The following IL17RB variants were observed in gnomAD, a reference collection of about 807,000 sequenced individuals.
The protein encoded by IL17RB is interleukin-17 receptor B.
IL17RB carries 36 observed loss-of-function variants against 43.9 expected under a neutral mutation model. That is an observed-to-expected ratio of 0.82 (90% confidence interval 0.63 to 1.08). The LOEUF (loss-of-function observed/expected upper bound fraction) is 1.08. Ranked by LOEUF, IL17RB falls within the 50% of genes least tolerant of loss-of-function variation. IL17RB has a pLI of 0.00. For missense variants in IL17RB, 613 were observed against 613.6 expected, an observed-to-expected ratio of 1.00 and a Z score of 0.01; for synonymous variants, 225 against 225.4, an observed-to-expected ratio of 1.00 and a Z score of 0.02.
At chr3:53,852,181 A>G in intron 4 of IL17RB, 55 bp downstream of exon 4, 1 of 1,548,210 alleles carries the variant, frequency 6.5e-7, no homozygotes, top group Non-Finnish European at 8.9e-7. Context: ...TTGTTCTGTC[A>G]CCCAGGCTGG....
intron 8 of IL17RB, chr3:53,858,361 C>T: frequency 9.5e-7 from 1 of 1,057,266 alleles, no homozygotes; most frequent in Non-Finnish European, 1.1e-6. Context: ...ACTTGCATGT[C>T]CTAAAGCACT....
At chr3:53,855,980 T>C (rs1180315788) in intron 6 of IL17RB, among the ~76,000 whole-genome samples, 1 of 152,176 alleles carries the variant, frequency 6.6e-6, no homozygotes, top group Non-Finnish European at 1.5e-5. Flanking sequence ...ATGAGGCTAG[T>C]GGTATTTGGA....
chr3:53,859,810 ACTCT>A, intron 9 of IL17RB: 1 of 191,288 alleles, frequency 5.2e-6, no homozygotes, highest in East Asian at 1.2e-4. Flanking sequence ...TGATTGGCAG[ACTCT>A]CTAAAGAGCT....
intron 5 of IL17RB, among the ~76,000 whole-genome samples, chr3:53,853,871 T>C (rs1163393694): frequency 6.6e-6 from 1 of 152,100 alleles, no homozygotes; most frequent in Non-Finnish European, 1.5e-5. Flanking sequence ...CTTTTTTATT[T>C]TGGAATTCTT....
In IL17RB at chr3:53,865,423, A is replaced by G; in HGVS notation, c.*115A>G. 1 of 763,038 alleles carries G rather than the reference A, an allele frequency of 1.3e-6. No individual in the cohort carries two copies. Among genetic ancestry groups the G allele is most frequent in the Non-Finnish European group, 2.0e-6 (1 of 498,102 alleles). 47.3% of individuals were successfully genotyped at this position (763,038 alleles called of 1,614,324 possible). A position where few individuals can be genotyped will look rare whatever the true frequency, so the allele number is the denominator to read the frequency against. On this transcript the variant is annotated 3_prime_UTR_variant, in exon 11 of 11. Coordinates refer to ENST00000288167, the MANE Select transcript of IL17RB (RefSeq NM_018725.4). Reference sequence around the variant, plus strand: ...AGCCTACAAACAGCCTTAGTAATTAAAACATTTTATACCAATAAAATTTTC... The same window carrying G: ...AGCCTACAAACAGCCTTAGTAATTAGAACATTTTATACCAATAAAATTTTC...
chr3:53,860,446 C>T, intron 10 of IL17RB: 1 of 395,248 alleles, frequency 2.5e-6, no homozygotes, highest in Non-Finnish European at 4.5e-6. Flanking sequence ...GATCTTCTGA[C>T]TGTCCCGTTT....
Position 53,856,862 on chromosome 3 carries a change from AC to A in IL17RB, c.549del (p.Asn183LysfsTer12), listed in dbSNP as rs1483399184. The A allele has an allele frequency of 1.2e-6, 2 of 1,614,096 alleles. No homozygotes were observed. The highest frequency in any genetic ancestry group is 1.7e-6 in the Non-Finnish European group (2 of 1,180,050). ...CTCACAGGAAGCCTGTGGGATCCGA[AC>A]ATCACTGCTTGTAAGAAGAATGAGG... ...CVKAGSLWDP[N>X]ITACKKNEET... On this transcript the variant is annotated frameshift_variant, in exon 7 of 11. Coordinates refer to ENST00000288167, the MANE Select transcript of IL17RB (RefSeq NM_018725.4). LOFTEE classifies it high-confidence loss of function.
chr3:53,848,823 T>A (rs1019148817), intron 2 of IL17RB, 135 bp downstream of exon 2: 8 of 938,306 alleles, frequency 8.5e-6, no homozygotes, highest in Non-Finnish European at 1.2e-5. Flanking sequence ...CTGATGCAGA[T>A]GAAGTCTCTG....
At chr3:53,849,628 T>A in intron 2 of IL17RB, 27 bp from the exon 3 acceptor site, 1 of 1,572,670 alleles carries the variant, frequency 6.4e-7, no homozygotes, top group Non-Finnish European at 8.7e-7. Context: ...GGAAAGACAG[T>A]GTCATGGAAG....
In IL17RB at chr3:53,864,738, T is replaced by C. The variant is rs1284423478; in HGVS notation, c.947-8T>C. ...TCACAGATAACAAATGCTTTTCTCC[T>C]CTCACAGAAAGGATCAAGAAGACTT... is the stretch of plus-strand genomic sequence containing the variant. On this transcript the variant is annotated splice_region_variant and splice_polypyrimidine_tract_variant and intron_variant, in intron 10 of 10. Transcript: ENST00000288167. 1 of 1,588,486 alleles carries C rather than the reference T, an allele frequency of 6.3e-7. No homozygotes were observed. Among genetic ancestry groups the C allele is most frequent in the Non-Finnish European group, 8.6e-7 (1 of 1,167,106 alleles).
In IL17RB at chr3:53,864,983, T is replaced by C. The variant is rs767246780; in HGVS notation, c.1184T>C (p.Leu395Pro). 3.7e-6 allele frequency: 6 copies of C among 1,614,206 alleles called. No homozygotes were observed. In the South Asian group the frequency reaches 6.6e-5, roughly 18 times the overall value. ...AAGGCAGCAGACAAAGTCGTCTTCC[T>C]TCTTTCCAATGACGTCAACAGTGTG... ...QKKAADKVVFLLSNDVNSVCD... is the reference protein window; with the variant it reads ...QKKAADKVVFPLSNDVNSVCD... Residue 395 changes from leucine (L) to proline (P), a missense_variant, in exon 11 of 11, where the codon CTT becomes CCT. Transcript: ENST00000288167.
chr3:53,854,813 A>G (rs78021240), intron 5 of IL17RB, among the ~76,000 whole-genome samples: 2,519 of 152,354 alleles, frequency 0.017, 81 homozygotes, highest in South Asian at 0.11. Context: ...AGATATTACC[A>G]AATGTCCTTT....
intron 5 of IL17RB, 67 bp downstream of exon 5, chr3:53,853,064 G>C: frequency 6.3e-7 from 1 of 1,591,534 alleles, no homozygotes; most frequent in East Asian, 2.2e-5. Context: ...TATGCACAGA[G>C]AGAGCCCAGG....
chr3:53,855,199 AG>A, intron 5 of IL17RB, 94 bp from the exon 6 acceptor site: 1 of 548,300 alleles, frequency 1.8e-6, no homozygotes, highest in East Asian at 3.2e-5. Context: ...AATTTGTTAC[AG>A]GTGTGGTATG....
intron 5 of IL17RB, among the ~76,000 whole-genome samples, chr3:53,854,500 G>C (rs1699264065): frequency 6.6e-6 from 1 of 152,182 alleles, no homozygotes; most frequent in Admixed American, 6.5e-5. Context: ...GTTCTGACCA[G>C]GCATCCTGTA....
At position 53,865,215 on chromosome 3, in the gene IL17RB, C is replaced by G; in HGVS notation, c.1416C>G (p.Ala472=). Residue 472 remains alanine (A), a synonymous_variant, in exon 11 of 11, where the codon GCC becomes GCG. Coordinates refer to ENST00000288167, the MANE Select transcript of IL17RB (RefSeq NM_018725.4). ...VCPKYHLMKD[A]TAFCAELLHV... ...CCAAGTACCACCTCATGAAGGATGC[C>G]ACTGCTTTCTGTGCAGAACTTCTCC... The G allele has an allele frequency of 6.2e-7, 1 of 1,613,934 alleles. No homozygotes were observed. The highest frequency in any genetic ancestry group is 8.5e-7 in the Non-Finnish European group (1 of 1,180,014).
At position 53,864,922 on chromosome 3, in the gene IL17RB, G is replaced by A; in HGVS notation, c.1123G>A (p.Glu375Lys). ...AAAGTGGCAGAAAAAGAAAATAGCA[G>A]AGATGGGTCCAGTGCAGTGGCTTGC... Reference protein sequence around the residue: ...LEKWQKKKIAEMGPVQWLATQ... With the variant: ...LEKWQKKKIAKMGPVQWLATQ... The change falls in exon 11 of 11, where the codon GAG becomes AAG. Residue 375 changes from glutamate (E) to lysine (K), a missense_variant. Glu to Lys is a moderately conservative substitution (Grantham distance 56, BLOSUM62 1). Coordinates refer to ENST00000288167, the MANE Select transcript of IL17RB (RefSeq NM_018725.4). 6.2e-7 allele frequency: 1 copy of A among 1,614,206 alleles called. No homozygotes were observed. Among genetic ancestry groups the A allele is most frequent in the Non-Finnish European group, 8.5e-7 (1 of 1,180,042 alleles).
chr3:53,850,679 C>T (rs1022066516), intron 3 of IL17RB, among the ~76,000 whole-genome samples: 2 of 152,020 alleles, frequency 1.3e-5, no homozygotes, highest in Non-Finnish European at 2.9e-5. Flanking sequence ...GTGGCACATG[C>T]CTGTAATCCC....
intron 6 of IL17RB, 49 bp downstream of exon 6, chr3:53,855,390 T>G: frequency 7.8e-7 from 1 of 1,276,554 alleles, no homozygotes; most frequent in Non-Finnish European, 1.1e-6. Flanking sequence ...ACTTGTAACT[T>G]GAGGCAGCAT....
Sources: allele counts gnomAD v4.1 joint callset (sites outside exome capture counted in the v4.1 genomes callset), GRCh38; gene constraint gnomAD v4.1.1; transcripts MANE v1.5; gene names NCBI Gene and HGNC (gene_info 2026-07-23, HGNC 2026-07-21).